Variants in CADM2 observed in about 807,000 individuals in gnomAD.
The protein encoded by CADM2 is cell adhesion molecule 2.
A neutral mutation model predicts 49.8 loss-of-function variants in CADM2; 12 were observed. The ratio of observed to expected loss-of-function variants is 0.24; its 90% CI spans 0.15 to 0.39. The LOEUF (loss-of-function observed/expected upper bound fraction) is 0.39, where lower values mean the gene tolerates loss of function less well. Ranked by LOEUF, CADM2 falls within the 10% of genes least tolerant of loss-of-function variation. The pLI, the probability that CADM2 is intolerant of heterozygous loss-of-function variation, is 1.00. For missense variants in CADM2, 378 were observed against 492.3 expected (o/e 0.77, Z 2.20); for synonymous variants, 214 against 175.4 (o/e 1.22, Z -1.74).
At chr3:85,095,351 G>C (rs568251006) in intron 1 of CADM2, among the ~76,000 whole-genome samples, 1 of 152,220 alleles carries the variant, frequency 6.6e-6, no homozygotes, top group Non-Finnish European at 1.5e-5. Context: ...CAATTATTCA[G>C]AGCTAGGCAG....
intron 1 of CADM2, among the ~76,000 whole-genome samples, chr3:85,204,721 G>T (rs1227635129): frequency 6.6e-6 from 1 of 151,970 alleles, no homozygotes; most frequent in African/African-American, 2.4e-5. Context: ...TCTATGTTTT[G>T]CTAGGAGCTT....
At chr3:85,555,188 T>G (rs750847114) in intron 1 of CADM2, among the ~76,000 whole-genome samples, 3 of 152,214 alleles carry the variant, frequency 2.0e-5, no homozygotes, top group Non-Finnish European at 2.9e-5. Context: ...ATATTTTATA[T>G]ACAAAAAATG....
intron 5 of CADM2, among the ~76,000 whole-genome samples, chr3:85,890,686 G>A (rs1230046659): frequency 7.2e-6 from 1 of 138,848 alleles, no homozygotes; most frequent in Non-Finnish European, 1.5e-5. Flanking sequence ...TGAAAAAAAA[G>A]AAAGACTTTT....
At chr3:85,610,145 A>G (rs1326939008) in intron 1 of CADM2, among the ~76,000 whole-genome samples, 4 of 151,948 alleles carry the variant, frequency 2.6e-5, no homozygotes, top group African/African-American at 9.7e-5. Context: ...GGATCTATCT[A>G]TTTTATAATT....
intron 1 of CADM2, among the ~76,000 whole-genome samples, chr3:85,418,199 A>G (rs1304130055): frequency 2.2e-5 from 3 of 133,548 alleles, no homozygotes; most frequent in Non-Finnish European, 4.9e-5. Context: ...ATTCTGCATA[A>G]TAAAGTAATG....
At chr3:85,546,700 T>C (rs2061676475) in intron 1 of CADM2, among the ~76,000 whole-genome samples, 1 of 152,092 alleles carries the variant, frequency 6.6e-6, no homozygotes, top group African/African-American at 2.4e-5. Context: ...AGGACTGCAT[T>C]GATAAGGTGA....
At chr3:85,403,541 A>G (rs1324227817) in intron 1 of CADM2, among the ~76,000 whole-genome samples, 2 of 152,122 alleles carry the variant, frequency 1.3e-5, no homozygotes, top group Non-Finnish European at 2.9e-5. Context: ...TTAGCCTTTA[A>G]TGTTATACAG....
chr3:86,046,462 G>T (rs1464914205), intron 8 of CADM2, among the ~76,000 whole-genome samples: 1 of 152,080 alleles, frequency 6.6e-6, no homozygotes, highest in African/African-American at 2.4e-5. Flanking sequence ...GACAGTCAGA[G>T]ATTTGGCCCC....
At chr3:85,648,404 G>T (rs751589984) in intron 1 of CADM2, among the ~76,000 whole-genome samples, 5 of 151,804 alleles carry the variant, frequency 3.3e-5, no homozygotes, top group Non-Finnish European at 7.4e-5. Flanking sequence ...GTTCTTGAAG[G>T]TTTTTTCCAC....
chr3:85,744,256 CAAAT>C (rs1312574048), intron 2 of CADM2, among the ~76,000 whole-genome samples: 1 of 151,860 alleles, frequency 6.6e-6, no homozygotes, highest in Non-Finnish European at 1.5e-5. Context: ...CTAATGGGTA[CAAAT>C]AAATAGTTAC....
At chr3:85,589,801 T>G (rs2063052770) in intron 1 of CADM2, among the ~76,000 whole-genome samples, 1 of 151,934 alleles carries the variant, frequency 6.6e-6, no homozygotes, top group Non-Finnish European at 1.5e-5. Flanking sequence ...AGTTTAGGAA[T>G]TTATAAAAAG....
intron 1 of CADM2, among the ~76,000 whole-genome samples, chr3:85,428,686 T>TAC (rs1028913513): frequency 1.4e-5 from 2 of 146,862 alleles, no homozygotes; most frequent in African/African-American, 5.0e-5. Flanking sequence ...ATATCATATA[T>TAC]ATATATATCA....
intron 3 of CADM2, among the ~76,000 whole-genome samples, chr3:85,818,868 G>A (rs2073382535): frequency 6.6e-6 from 1 of 151,348 alleles, no homozygotes; most frequent in African/African-American, 2.5e-5. Flanking sequence ...ATTAATCAAG[G>A]TTCTCCAGAG....
At chr3:85,170,501 G>A (rs536266031) in intron 1 of CADM2, among the ~76,000 whole-genome samples, 1 of 151,866 alleles carries the variant, frequency 6.6e-6, no homozygotes, top group East Asian at 1.9e-4. Context: ...ACCACGCCCG[G>A]CTAATTTTCG....
intron 1 of CADM2, among the ~76,000 whole-genome samples, chr3:85,228,566 G>A (rs1337656655): frequency 6.6e-6 from 1 of 151,896 alleles, no homozygotes; most frequent in Non-Finnish European, 1.5e-5. Flanking sequence ...CTTTCTAACA[G>A]TCAGGCCCCT....
chr3:85,312,785 A>AATTTTAAC (rs2044377887), intron 1 of CADM2, among the ~76,000 whole-genome samples: 1 of 152,240 alleles, frequency 6.6e-6, no homozygotes, highest in Non-Finnish European at 1.5e-5. Flanking sequence ...AGATAAAATG[A>AATTTTAAC]ATTTTAAGAG....
At chr3:85,393,988 A>G (rs2034646121) in intron 1 of CADM2, among the ~76,000 whole-genome samples, 1 of 152,020 alleles carries the variant, frequency 6.6e-6, no homozygotes, top group African/African-American at 2.4e-5. Flanking sequence ...TTGTATTTTT[A>G]GTAGAGACGG....
At chr3:85,984,539 T>G (rs1446164887) in intron 8 of CADM2, among the ~76,000 whole-genome samples, 2 of 151,812 alleles carry the variant, frequency 1.3e-5, no homozygotes, top group Non-Finnish European at 2.9e-5. Context: ...TAACTGAACT[T>G]TTATACTTAG....
intron 1 of CADM2, among the ~76,000 whole-genome samples, chr3:85,092,565 T>C (rs2037637297): frequency 6.6e-6 from 1 of 152,184 alleles, no homozygotes; most frequent in Admixed American, 6.5e-5. Context: ...GAATCATTAC[T>C]TTAGATATGC....
Sources: gnomAD v4.1 joint callset for allele counts (sites outside exome capture counted in the v4.1 genomes callset) on GRCh38, gnomAD v4.1.1 for gene constraint, MANE v1.5 for transcripts, NCBI Gene and HGNC (gene_info 2026-07-23, HGNC 2026-07-21) for gene names.